CEMIP: variants seen among roughly 807,000 people sequenced by gnomAD.
CEMIP encodes cell migration-inducing and hyaluronan-binding protein.
A neutral mutation model predicts 156.9 loss-of-function variants in CEMIP; 105 were observed. The ratio of observed to expected loss-of-function variants is 0.67; its 90% CI spans 0.57 to 0.79. CEMIP has a LOEUF of 0.79. Among genes scored for constraint, CEMIP ranks in the 30% least tolerant of loss-of-function variants. The pLI is 0.00. For synonymous variants in CEMIP, 676 were observed against 668.4 expected (o/e 1.01, Z -0.17); for missense variants, 1,457 against 1,769.4 (o/e 0.82, Z 3.17).
rs1032686305 is a variant in CEMIP at position 80,799,721 on chromosome 15, G to A, written c.-176+20107G>A. Among the ~76,000 whole-genome samples the A allele has an allele frequency of 2.0e-5, 3 of 152,218 alleles. No homozygotes were observed. In the South Asian group the frequency reaches 6.2e-4, roughly 32 times the overall value. On this transcript the variant is annotated intron_variant, in intron 1 of 29. Transcript: ENST00000394685. ...TAAAGAAAATGTATATATATGCAAT[G>A]GAATATTATTCAGCCACAAAAAATA...
At chr15:80,900,555 G>C (rs754460675) in intron 12 of CEMIP, among the ~76,000 whole-genome samples, 24 of 146,066 alleles carry the variant, frequency 1.6e-4, no homozygotes, top group Non-Finnish European at 3.4e-4. Flanking sequence ...GCAGCCCCTG[G>C]TGAACAGCAC....
At chr15:80,781,441 A>C (rs898145970) in intron 1 of CEMIP, among the ~76,000 whole-genome samples, 1 of 152,208 alleles carries the variant, frequency 6.6e-6, no homozygotes. Context: ...GGTCACTTGA[A>C]ACAGGGTGGA....
chr15:80,789,467 C>A (rs930884318), intron 1 of CEMIP, among the ~76,000 whole-genome samples: 2 of 152,178 alleles, frequency 1.3e-5, no homozygotes, highest in African/African-American at 4.8e-5. Flanking sequence ...CCACAGAGTT[C>A]ATCAGATTTC....
rs759848113 is a variant in CEMIP, at chr15:80,931,868, A to G, written c.2622A>G (p.Pro874=). 6 of 1,613,958 alleles carry G rather than the reference A, an allele frequency of 3.7e-6. No individual in the cohort carries two copies. The highest frequency in any genetic ancestry group is 5.1e-6 in the Non-Finnish European group (6 of 1,179,960). ...GRTLPIGQNF[P]IRGIQLYDGP... Reference sequence around the variant, plus strand: ...TTCCTTAACTCCGTAGGAATTTTCCAATTAGAGGAATTCAGTTATATGATG... The same window carrying G: ...TTCCTTAACTCCGTAGGAATTTTCCGATTAGAGGAATTCAGTTATATGATG... Residue 874 remains proline, a synonymous_variant, in exon 22 of 30, where the codon CCA becomes CCG. Transcript: ENST00000394685.
chr15:80,840,738 G>A (rs1449216574), intron 1 of CEMIP, among the ~76,000 whole-genome samples: 1 of 152,212 alleles, frequency 6.6e-6, no homozygotes, highest in Non-Finnish European at 1.5e-5. Flanking sequence ...CCAGCCTGGG[G>A]TGCAGGGACC....
chr15:80,849,788 A>C (rs1488124386), intron 1 of CEMIP, among the ~76,000 whole-genome samples: 1 of 152,194 alleles, frequency 6.6e-6, no homozygotes, highest in Non-Finnish European at 1.5e-5. Flanking sequence ...AGGAAGTGAA[A>C]TACCCGAATG....
intron 19 of CEMIP, among the ~76,000 whole-genome samples, chr15:80,927,880 T>C (rs1017203779): frequency 1.3e-4 from 20 of 152,278 alleles, no homozygotes; most frequent in African/African-American, 4.8e-4. Context: ...CTGGAATGAC[T>C]GATTTGAACT....
In CEMIP at chr15:80,887,696, AC is replaced by A. The variant is rs779771025; in HGVS notation, c.803del (p.Pro268LeufsTer5). The A allele has an allele frequency of 8.1e-6, 13 of 1,611,124 alleles. No homozygotes were observed. Among genetic ancestry groups the A allele is most frequent in the Non-Finnish European group, 1.1e-5 (13 of 1,179,216 alleles). On this transcript the variant is annotated frameshift_variant, in exon 8 of 30. Coordinates refer to ENST00000394685, the MANE Select transcript of CEMIP (RefSeq NM_001293298.2). LOFTEE classifies it high-confidence loss of function. ...SKHFLHLGFR[H>X]PWSFLTVKGN... ...TGTTATGTTTTTCTTTTTTTCAGAC[AC>A]CCTTGGAGTTTTCTAACTGTGAAAG... is the stretch of plus-strand genomic sequence containing the variant.
At chr15:80,897,463 G>A (rs1182956546) in intron 12 of CEMIP, 5 of 403,098 alleles carry the variant, frequency 1.2e-5, no homozygotes, top group Non-Finnish European at 2.0e-5. Context: ...CAATGCAGCT[G>A]TGATGTCAGG....
intron 12 of CEMIP, among the ~76,000 whole-genome samples, chr15:80,898,128 T>G (rs545641524): frequency 1.3e-5 from 2 of 152,376 alleles, no homozygotes; most frequent in East Asian, 3.9e-4. Context: ...GAAGACGTTT[T>G]GAAGAAGACA....
chr15:80,809,437 A>G (rs1321409086), intron 1 of CEMIP, among the ~76,000 whole-genome samples: 1 of 152,262 alleles, frequency 6.6e-6, no homozygotes, highest in Non-Finnish European at 1.5e-5. Flanking sequence ...AATCAACTAG[A>G]AGAAAATATA....
chr15:80,821,818 G>C (rs1896916764), intron 1 of CEMIP, among the ~76,000 whole-genome samples: 1 of 152,236 alleles, frequency 6.6e-6, no homozygotes, highest in Non-Finnish European at 1.5e-5. Flanking sequence ...ACAGCTCTGT[G>C]TGGCAGATCC....
At chr15:80,852,570 C>CT (rs1438465183) in intron 1 of CEMIP, among the ~76,000 whole-genome samples, 1 of 152,202 alleles carries the variant, frequency 6.6e-6, no homozygotes, top group Non-Finnish European at 1.5e-5. Context: ...GACATTTCCT[C>CT]TGCCATCATC....
intron 1 of CEMIP, among the ~76,000 whole-genome samples, chr15:80,842,281 C>A (rs1358823467): frequency 6.6e-6 from 1 of 152,136 alleles, no homozygotes; most frequent in Non-Finnish European, 1.5e-5. Flanking sequence ...CATTTTTCTT[C>A]TCCTCCTACT....
At chr15:80,895,564 G>A (rs58648071) in intron 11 of CEMIP, among the ~76,000 whole-genome samples, 1,903 of 152,276 alleles carry the variant, frequency 0.012, 40 homozygotes, top group African/African-American at 0.044. Flanking sequence ...TAATAGTTGA[G>A]AGGAACTATA....
chr15:80,866,510 G>C (rs1898129635), intron 1 of CEMIP, among the ~76,000 whole-genome samples: 1 of 151,954 alleles, frequency 6.6e-6, no homozygotes, highest in South Asian at 2.1e-4. Context: ...AGAATTGCTT[G>C]AACTCGGGAG....
intron 1 of CEMIP, among the ~76,000 whole-genome samples, chr15:80,805,020 G>GT (rs1237513188): frequency 6.6e-6 from 1 of 152,154 alleles, no homozygotes; most frequent in Non-Finnish European, 1.5e-5. Context: ...GGAACTGCAC[G>GT]TTTTCCCCTT....
intron 1 of CEMIP, among the ~76,000 whole-genome samples, chr15:80,820,118 G>A (rs1567058396): frequency 6.6e-6 from 1 of 152,152 alleles, no homozygotes; most frequent in African/African-American, 2.4e-5. Flanking sequence ...GTGGGGCTGT[G>A]CAAAAACATG....
At chr15:80,804,167 C>T (rs1896451152) in intron 1 of CEMIP, among the ~76,000 whole-genome samples, 2 of 152,232 alleles carry the variant, frequency 1.3e-5, no homozygotes, top group African/African-American at 4.8e-5. Context: ...GTCCCTTTCA[C>T]AATGCATCGG....
Sources: gnomAD v4.1 joint callset for allele counts (sites outside exome capture counted in the v4.1 genomes callset) on GRCh38, gnomAD v4.1.1 for gene constraint, MANE v1.5 for transcripts, NCBI Gene and HGNC (gene_info 2026-07-23, HGNC 2026-07-21) for gene names.